Variants in HPSE2 observed in about 807,000 individuals in gnomAD.
The protein encoded by HPSE2 is inactive heparanase-2.
A neutral mutation model predicts 60.5 loss-of-function variants in HPSE2; 38 were observed. That is an observed-to-expected ratio of 0.63 (90% confidence interval 0.48 to 0.82). HPSE2 has a LOEUF of 0.82. Among genes scored for constraint, HPSE2 ranks in the 40% least tolerant of loss-of-function variants. The pLI, the probability that HPSE2 is intolerant of heterozygous loss-of-function variation, is 0.00. For missense variants in HPSE2, 713 were observed against 740.4 expected (o/e 0.96, Z 0.43); for synonymous variants, 295 against 293.2 (o/e 1.01, Z -0.06).
intron 9 of HPSE2, among the ~76,000 whole-genome samples, chr10:98,546,820 C>G (rs1400407849): frequency 6.7e-6 from 1 of 149,360 alleles, no homozygotes; most frequent in Non-Finnish European, 1.5e-5. Context: ...TAATTAAACT[C>G]AAGAGCTTCT....
At chr10:99,222,905 G>A (rs1326815433) in intron 2 of HPSE2, among the ~76,000 whole-genome samples, 1 of 152,144 alleles carries the variant, frequency 6.6e-6, no homozygotes, top group Non-Finnish European at 1.5e-5. Context: ...TTCATGGGAA[G>A]GCATATGGCA....
intron 3 of HPSE2, among the ~76,000 whole-genome samples, chr10:99,028,524 C>A (rs572739584): frequency 6.6e-6 from 1 of 152,138 alleles, no homozygotes; most frequent in South Asian, 2.1e-4. Flanking sequence ...ATTTATGGAT[C>A]AGAAGAATCA....
At chr10:98,463,517 G>A (rs765437989) in intron 11 of HPSE2, among the ~76,000 whole-genome samples, 8 of 152,042 alleles carry the variant, frequency 5.3e-5, no homozygotes, top group Non-Finnish European at 1.2e-4. Context: ...CAAAAGTATA[G>A]TAGGCTGGGT....
chr10:98,887,877 C>T (rs1953210341), intron 3 of HPSE2, among the ~76,000 whole-genome samples: 1 of 149,862 alleles, frequency 6.7e-6, no homozygotes, highest in Admixed American at 6.7e-5. Context: ...GAACGCACAC[C>T]CTCAATAAGG....
At chr10:99,310,007 C>T in the HPSE2 span, among the ~76,000 whole-genome samples, 1 of 152,192 alleles carries the variant, frequency 6.6e-6, no homozygotes, top group Non-Finnish European at 1.5e-5. Flanking sequence ...CCTCCAAAAG[C>T]CCTAGGGGAA....
intron 2 of HPSE2, among the ~76,000 whole-genome samples, chr10:99,223,031 G>A (rs914977154): frequency 6.6e-6 from 1 of 152,082 alleles, no homozygotes; most frequent in Non-Finnish European, 1.5e-5. Flanking sequence ...TCTTACCTAA[G>A]CACAATACAC....
chr10:98,473,839 T>C (rs1346068092), intron 11 of HPSE2, among the ~76,000 whole-genome samples: 2 of 152,222 alleles, frequency 1.3e-5, no homozygotes, highest in East Asian at 3.9e-4. Flanking sequence ...AGTCCTAGCA[T>C]GAGCCAATTC....
intron 3 of HPSE2, among the ~76,000 whole-genome samples, chr10:99,094,538 ATATTTTTTTTTTT>A (rs1489741178): frequency 2.2e-4 from 5 of 22,734 alleles, no homozygotes; most frequent in African/African-American, 6.5e-4. Flanking sequence ...ATATATATAT[ATATTTTTTTTTTT>A]TTTTTTTTTT....
intron 9 of HPSE2, among the ~76,000 whole-genome samples, chr10:98,563,258 A>G (rs1467857521): frequency 6.6e-6 from 1 of 152,228 alleles, no homozygotes; most frequent in African/African-American, 2.4e-5. Context: ...ATAAGCACAC[A>G]TTGCAACATG....
chr10:98,600,994 T>G (rs1301505650), intron 9 of HPSE2, among the ~76,000 whole-genome samples: 41 of 147,748 alleles, frequency 2.8e-4, no homozygotes, highest in African/African-American at 9.4e-4. Flanking sequence ...GACAGATTGA[T>G]TTTAAGTAAC....
At chr10:99,125,928 C>A (rs113083557) in intron 3 of HPSE2, among the ~76,000 whole-genome samples, 9 of 152,262 alleles carry the variant, frequency 5.9e-5, no homozygotes, top group African/African-American at 1.4e-4. Context: ...AAGCTTCCAA[C>A]TGAAATCTGT....
intron 9 of HPSE2, among the ~76,000 whole-genome samples, chr10:98,585,944 T>C (rs1023777416): frequency 1.3e-4 from 14 of 104,314 alleles, no homozygotes; most frequent in Middle Eastern, 5.1e-3. Context: ...AGAGCAAGAC[T>C]GTGTCTCAAA....
intron 3 of HPSE2, among the ~76,000 whole-genome samples, chr10:99,130,823 A>C (rs1229180599): frequency 6.6e-6 from 1 of 152,178 alleles, no homozygotes; most frequent in Non-Finnish European, 1.5e-5. Context: ...AGCTTGCCAC[A>C]GTATCTTATC....
At chr10:99,267,492 C>T in the HPSE2 span, among the ~76,000 whole-genome samples, 7 of 152,112 alleles carry the variant, frequency 4.6e-5, no homozygotes, top group East Asian at 3.9e-4. Context: ...TTATGTTAAA[C>T]GACCAAACCT....
intron 3 of HPSE2, among the ~76,000 whole-genome samples, chr10:99,006,690 T>C (rs1315009488): frequency 1.3e-5 from 2 of 152,280 alleles, no homozygotes; most frequent in East Asian, 3.9e-4. Flanking sequence ...CATGCAGGGT[T>C]GAACCTACAG....
At chr10:99,069,322 A>G (rs918730482) in intron 3 of HPSE2, among the ~76,000 whole-genome samples, 5 of 152,074 alleles carry the variant, frequency 3.3e-5, no homozygotes, top group Non-Finnish European at 5.9e-5. Context: ...GGGGAAATTG[A>G]GAATAGCTAC....
At chr10:98,524,981 A>T (rs1186248854) in intron 9 of HPSE2, among the ~76,000 whole-genome samples, 1 of 152,238 alleles carries the variant, frequency 6.6e-6, no homozygotes, top group Non-Finnish European at 1.5e-5. Flanking sequence ...GGAAGAAAAG[A>T]CAAAGCTTTA....
chr10:98,611,041 T>C (rs1945741782), intron 9 of HPSE2, among the ~76,000 whole-genome samples: 1 of 151,222 alleles, frequency 6.6e-6, no homozygotes, highest in African/African-American at 2.5e-5. Context: ...AGGGAGCCCG[T>C]GACTGACTGA....
the HPSE2 span, among the ~76,000 whole-genome samples, chr10:99,268,341 C>A: frequency 3.3e-3 from 504 of 152,196 alleles, 1 homozygote; most frequent in African/African-American, 0.011. Flanking sequence ...CAAAACAGAA[C>A]CTCCTTAAAG....
Sources: allele counts gnomAD v4.1 joint callset (sites outside exome capture counted in the v4.1 genomes callset), GRCh38; gene constraint gnomAD v4.1.1; transcripts MANE v1.5; gene names NCBI Gene and HGNC (gene_info 2026-07-23, HGNC 2026-07-21).